SOAT1: variants seen among roughly 807,000 people sequenced by gnomAD.
The protein encoded by SOAT1 is acyl-coenzyme A:cholesterol acyltransferase 1.
A neutral mutation model predicts 69.5 loss-of-function variants in SOAT1; 55 were observed. The ratio of observed to expected loss-of-function variants is 0.79; its 90% confidence interval spans 0.64 to 0.99. The LOEUF is 0.99. SOAT1 is among the 50% of genes least tolerant of loss of function. SOAT1 has a pLI of 0.00. For synonymous variants in SOAT1, 231 were observed against 224.7 expected (o/e 1.03, Z -0.25); for missense variants, 580 against 669.3 (o/e 0.87, Z 1.47).
rs556807647 is a variant in SOAT1 at position 179,348,975 on chromosome 1, T to A, written c.1314+33T>A. 2.3e-4 allele frequency: 260 copies of A among 1,120,778 alleles called. 4 individuals carry two copies. The South Asian group carries it at 2.5e-3, about 11-fold the overall frequency. The allele number at this position is 1,120,778 out of a possible 1,614,324, so 69.4% of individuals were successfully genotyped here. On this transcript the variant is annotated intron_variant, in intron 13 of 15. Transcript: ENST00000367619. ...GCAAGGTTTAAGTTGATATTATTTA[T>A]GAAATGGAGATTCTTTTTCAGAAAG...
intron 14 of SOAT1, among the ~76,000 whole-genome samples, chr1:179,350,742 C>T (rs555516959): frequency 8.5e-5 from 13 of 152,182 alleles, no homozygotes; most frequent in African/African-American, 2.9e-4. Context: ...TCGGTATGCA[C>T]CCCCTAGAAA....
chr1:179,310,778 A>G (rs1282356076), intron 2 of SOAT1, among the ~76,000 whole-genome samples: 1 of 152,230 alleles, frequency 6.6e-6, no homozygotes, highest in Admixed American at 6.5e-5. Flanking sequence ...TTGAATTTCT[A>G]GGCAATAAAC....
In SOAT1 at chr1:179,339,490, C is replaced by T. The variant is rs1361738880; in HGVS notation, c.442C>T (p.Leu148Phe). ...IRTIYHMFIA[L>F]LILFILSTLV... ...AACAATATATCACATGTTTATTGCCCTCCTCATTCTCTTTATCCTCAGCAC... is the reference window on the plus strand; with the variant it reads ...AACAATATATCACATGTTTATTGCCTTCCTCATTCTCTTTATCCTCAGCAC... Residue 148 changes from leucine (L) to phenylalanine (F), a missense_variant, in exon 6 of 16, where the codon CTC becomes TTC. Transcript: ENST00000367619. 1.2e-6 allele frequency: 2 copies of T among 1,612,996 alleles called. No homozygotes were observed. The highest frequency in any genetic ancestry group is 2.7e-5 in the African/African-American group (2 of 74,866).
Position 179,293,914 on chromosome 1 carries a change from C to T in SOAT1, c.-31C>T, listed in dbSNP as rs1664538451. 6.6e-6 allele frequency: 1 copy of T among 152,324 alleles called. No homozygotes were observed. The highest frequency in any genetic ancestry group is 1.5e-5 in the Non-Finnish European group (1 of 68,116). The allele number at this position is 152,324 out of a possible 1,614,324, so 9.4% of individuals were successfully genotyped here. A position where few individuals can be genotyped will look rare whatever the true frequency, so the allele number is the denominator to read the frequency against. On this transcript the variant is annotated 5_prime_UTR_variant, in exon 1 of 16. Coordinates refer to ENST00000367619, the MANE Select transcript of SOAT1 (RefSeq NM_003101.6). The stretch of plus-strand genomic sequence containing the variant: ...GGCTCTGCCCTCTTGGCCGAAGTGC[C>T]CGCTGCCGGGCGCGGGCCTCAGGTA...
At chr1:179,313,795 G>A (rs112055299) in intron 2 of SOAT1, among the ~76,000 whole-genome samples, 6 of 152,222 alleles carry the variant, frequency 3.9e-5, no homozygotes, top group African/African-American at 1.4e-4. Flanking sequence ...TGTTGGTCAG[G>A]CTGGTCTCGA....
Position 179,341,122 on chromosome 1 carries a change from G to A in SOAT1, c.592G>A (p.Val198Ile). ...WWIMFLSTFS[V>I]PYFLFQHWAT... ...GATCATGTTCCTGTCTACATTTTCA[G>A]TTCCCTATTTTCTGTTTCAACATTG... is the stretch of plus-strand genomic sequence containing the variant. The change falls in exon 7 of 16, where the codon GTT (valine) becomes ATT (isoleucine). Residue 198 changes from valine to isoleucine, a missense_variant. Coordinates refer to ENST00000367619, the MANE Select transcript of SOAT1 (RefSeq NM_003101.6). 2 of 1,614,042 alleles carry A rather than the reference G, an allele frequency of 1.2e-6. No homozygotes were observed. Among genetic ancestry groups the A allele is most frequent in the Non-Finnish European group, 1.7e-6 (2 of 1,179,988 alleles).
At chr1:179,340,722 A>G (rs1188247455) in intron 6 of SOAT1, among the ~76,000 whole-genome samples, 2 of 152,110 alleles carry the variant, frequency 1.3e-5, no homozygotes, top group East Asian at 3.8e-4. Flanking sequence ...CTAATCTTTC[A>G]GAAGTTCAAA....
intron 2 of SOAT1, among the ~76,000 whole-genome samples, chr1:179,309,659 C>A (rs1306971061): frequency 6.6e-6 from 1 of 151,414 alleles, no homozygotes; most frequent in Non-Finnish European, 1.5e-5. Context: ...TCTTTAAAAG[C>A]CCTGTTCATA....
intron 1 of SOAT1, among the ~76,000 whole-genome samples, chr1:179,299,086 A>G (rs1246708955): frequency 1.3e-5 from 2 of 152,196 alleles, no homozygotes; most frequent in Admixed American, 1.3e-4. Flanking sequence ...CTCTGATTAT[A>G]GGACAATGTA....
At chr1:179,332,027 A>G (rs1665992898) in intron 3 of SOAT1, among the ~76,000 whole-genome samples, 1 of 152,148 alleles carries the variant, frequency 6.6e-6, no homozygotes, top group South Asian at 2.1e-4. Context: ...CACTGAAAAT[A>G]TTATTATTTA....
rs1666858385 is a variant in SOAT1, at chr1:179,354,883, T to C, written c.*1242T>C. 6.6e-6 allele frequency: 1 copy of C among 152,230 alleles called. No individual in the cohort carries two copies. The highest frequency in any genetic ancestry group is 2.4e-5 in the African/African-American group (1 of 41,468). 9.4% of individuals were successfully genotyped at this position (152,230 alleles called of 1,614,324 possible). A position where few individuals can be genotyped will look rare whatever the true frequency, so the allele number is the denominator to read the frequency against. ...TATCAGAGACCATGTAGTTCAACTT[T>C]CCACTCAAAGTAAGATTTATGAATT... On this transcript the variant is annotated 3_prime_UTR_variant, in exon 16 of 16. Transcript: ENST00000367619.
chr1:179,315,483 C>G (rs1200214006), intron 2 of SOAT1, among the ~76,000 whole-genome samples: 1 of 151,348 alleles, frequency 6.6e-6, no homozygotes, highest in African/African-American at 2.4e-5. Flanking sequence ...AAAAAAAAAG[C>G]AGTGGATATT....
intron 1 of SOAT1, among the ~76,000 whole-genome samples, chr1:179,299,745 CTTTTTTTTTTT>C (rs1162260815): frequency 5.8e-5 from 4 of 69,550 alleles, no homozygotes; most frequent in East Asian, 9.5e-4. Context: ...ATTTTGCTAT[CTTTTTTTTTTT>C]TTTTTTTTTT....
chr1:179,350,529 T>A, intron 14 of SOAT1, 98 bp downstream of exon 14: 2 of 1,123,940 alleles, frequency 1.8e-6, no homozygotes, highest in Non-Finnish European at 2.5e-6. Context: ...AACTAGATAG[T>A]AGTAGTAACA....
At chr1:179,298,370 A>G (rs927287346) in intron 1 of SOAT1, among the ~76,000 whole-genome samples, 2 of 152,132 alleles carry the variant, frequency 1.3e-5, no homozygotes, top group Admixed American at 1.3e-4. Context: ...TTACAGATGT[A>G]TTCCACCATG....
intron 13 of SOAT1, among the ~76,000 whole-genome samples, chr1:179,349,624 GGTGAGAAACACTTTTCT>G (rs747335621): frequency 6.6e-5 from 10 of 152,162 alleles, no homozygotes; most frequent in East Asian, 3.8e-4. Flanking sequence ...ACCGTGCCCG[GGTGAGAAACACTTTTCT>G]GTGAGAAACA....
At chr1:179,319,301 G>A (rs541822264) in intron 2 of SOAT1, among the ~76,000 whole-genome samples, 61 of 137,098 alleles carry the variant, frequency 4.4e-4, no homozygotes, top group Middle Eastern at 4.2e-3. Flanking sequence ...ACAGAGTCTC[G>A]CTGTGTCACC....
chr1:179,325,444 G>T (rs150549075), intron 3 of SOAT1, among the ~76,000 whole-genome samples: 1 of 152,094 alleles, frequency 6.6e-6, no homozygotes, highest in Admixed American at 6.6e-5. Context: ...GAGCTACCAC[G>T]CTCGGCCTAA....
At chr1:179,317,927 C>A (rs946159893) in intron 2 of SOAT1, among the ~76,000 whole-genome samples, 1 of 151,980 alleles carries the variant, frequency 6.6e-6, no homozygotes, top group African/African-American at 2.4e-5. Flanking sequence ...TGACACATGC[C>A]TATAATCTCA....
Sources: allele counts gnomAD v4.1 joint callset (sites outside exome capture counted in the v4.1 genomes callset), GRCh38; gene constraint gnomAD v4.1.1; transcripts MANE v1.5; gene names NCBI Gene and HGNC (gene_info 2026-07-23, HGNC 2026-07-21).